Variants in IL20RB observed in about 807,000 individuals in gnomAD.
IL20RB encodes interleukin 20 receptor subunit beta, also known as interleukin-20 receptor subunit beta.
Under a neutral mutation model 33.3 loss-of-function variants are expected in IL20RB, and 21 were observed. The observed-to-expected ratio is 0.63, with a 90% confidence interval of 0.45 to 0.91. IL20RB has a LOEUF of 0.91. Ranked by LOEUF, IL20RB falls within the 40% of genes least tolerant of loss-of-function variation. IL20RB has a pLI of 0.00. For missense variants in IL20RB, 345 were observed against 384.8 expected, an observed-to-expected ratio of 0.90 and a Z score of 0.86; for synonymous variants, 147 against 146.8, an observed-to-expected ratio of 1.00 and a Z score of -0.01.
chr3:136,980,431 C>A (rs1221208298), intron 1 of IL20RB, 35 bp from the exon 2 acceptor site: 4 of 1,613,830 alleles, frequency 2.5e-6, no homozygotes, highest in Non-Finnish European at 3.4e-6. Flanking sequence ...CACTATGAGC[C>A]CACCTGTCAG....
At chr3:136,995,375 C>A in intron 5 of IL20RB, 39 bp from the exon 6 acceptor site, 1 of 1,609,128 alleles carries the variant, frequency 6.2e-7, no homozygotes, top group Non-Finnish European at 8.5e-7. Flanking sequence ...TTAATCTTTG[C>A]TGCTGTTTTC....
chr3:136,995,263 G>T, intron 5 of IL20RB, 151 bp from the exon 6 acceptor site: 1 of 829,108 alleles, frequency 1.2e-6, no homozygotes, highest in Non-Finnish European at 1.9e-6. Flanking sequence ...GGTAATTTTG[G>T]TCACTAGGGC....
intron 3 of IL20RB, among the ~76,000 whole-genome samples, chr3:136,987,388 A>T (rs1232117011): frequency 6.6e-6 from 1 of 152,158 alleles, no homozygotes; most frequent in East Asian, 1.9e-4. Flanking sequence ...ACCCTGAGCT[A>T]GTAGACACAG....
chr3:136,984,139 A>G (rs1445391447), intron 3 of IL20RB, among the ~76,000 whole-genome samples: 3 of 152,232 alleles, frequency 2.0e-5, no homozygotes, highest in Non-Finnish European at 4.4e-5. Context: ...GCACAGGGCC[A>G]TCACAAAGTT....
At chr3:136,997,035 T>G (rs1033561132) in intron 6 of IL20RB, among the ~76,000 whole-genome samples, 1 of 152,156 alleles carries the variant, frequency 6.6e-6, no homozygotes, top group Non-Finnish European at 1.5e-5. Context: ...GTATAGTTGT[T>G]TTAATATTGA....
Position 136,966,535 on chromosome 3 carries a change from T to A in IL20RB, c.88+8334T>A, listed in dbSNP as rs1306545443. Reference sequence around the variant, plus strand: ...GTAGTTTGTATTTCTGTGTTATCGGTGGTGATATCCCCTTTATCATTTTTT... The same window carrying A: ...GTAGTTTGTATTTCTGTGTTATCGGAGGTGATATCCCCTTTATCATTTTTT... On this transcript the variant is annotated intron_variant, in intron 1 of 6. Coordinates refer to ENST00000329582, the MANE Select transcript of IL20RB (RefSeq NM_144717.4). 2.2e-5 allele frequency among the ~76,000 whole-genome samples: 2 copies of A among 91,984 alleles called. 1 individual carries two copies. The highest frequency in any genetic ancestry group is 4.3e-5 in the Non-Finnish European group (2 of 46,924). The allele number at this position is 91,984 out of a possible 152,430, so 60.3% of individuals were successfully genotyped here.
chr3:136,995,523 C>G lies in IL20RB; in HGVS notation c.792C>G (p.Ser264=). Residue 264 remains serine, a synonymous_variant, in exon 6 of 7, where the codon TCC becomes TCG. Transcript: ENST00000329582. ...AAATGGGCCGGCTGCTCCAGTACTC[C>G]TGTTGCCCCGTGGTGGTCCTCCCAG... ...VWKMGRLLQY[S]CCPVVVLPDT... 6.2e-7 allele frequency: 1 copy of G among 1,614,154 alleles called. No homozygotes were observed. The highest frequency in any genetic ancestry group is 1.3e-5 in the African/African-American group (1 of 75,052).
chr3:136,978,974 A>T (rs939684501), intron 1 of IL20RB, among the ~76,000 whole-genome samples: 1 of 152,210 alleles, frequency 6.6e-6, no homozygotes, highest in Admixed American at 6.5e-5. Flanking sequence ...TGTTGACATA[A>T]TTTAATTATG....
chr3:136,958,489 TG>T (rs1275735975), intron 1 of IL20RB, among the ~76,000 whole-genome samples: 7 of 152,242 alleles, frequency 4.6e-5, no homozygotes, highest in African/African-American at 1.7e-4. Context: ...TCTCATCGTC[TG>T]GTTTTATATA....
chr3:136,972,340 C>T (rs1034763462), intron 1 of IL20RB, among the ~76,000 whole-genome samples: 3 of 152,144 alleles, frequency 2.0e-5, no homozygotes, highest in African/African-American at 7.2e-5. Context: ...TTAATGCAGT[C>T]CCATTTGTCT....
At chr3:136,981,278 A>AAATTAAATTAAATTAAATTG (rs1941767910) in intron 2 of IL20RB, among the ~76,000 whole-genome samples, 1 of 151,886 alleles carries the variant, frequency 6.6e-6, no homozygotes, top group Non-Finnish European at 1.5e-5. Flanking sequence ...AAATTAAATT[A>AAATTAAATTAAATTAAATTG]AATTAAATTA....
intron 3 of IL20RB, among the ~76,000 whole-genome samples, chr3:136,984,794 G>A (rs964848898): frequency 1.3e-5 from 2 of 152,244 alleles, no homozygotes; most frequent in Admixed American, 1.3e-4. Flanking sequence ...TTCATGGAAT[G>A]GAGAGGATGA....
chr3:136,966,333 T>C (rs1032573427), intron 1 of IL20RB, among the ~76,000 whole-genome samples: 1 of 80,150 alleles, frequency 1.2e-5, no homozygotes, highest in African/African-American at 5.5e-5. Context: ...TCCTGGACTC[T>C]TTTTGGTTGG....
At chr3:136,974,858 T>A (rs1198723402) in intron 1 of IL20RB, among the ~76,000 whole-genome samples, 1 of 152,230 alleles carries the variant, frequency 6.6e-6, no homozygotes, top group Non-Finnish European at 1.5e-5. Flanking sequence ...GTCTTCAAGT[T>A]CTGAGATTCT....
At chr3:136,959,646 T>A (rs566736026) in intron 1 of IL20RB, 3 of 152,216 alleles carry the variant, frequency 2.0e-5, no homozygotes, top group South Asian at 4.1e-4. Context: ...TTATAAGTAT[T>A]TTCTTGAAAA....
rs540855125 is a variant in IL20RB, at chr3:136,996,984, G to A, written c.825+1428G>A. 3.3e-5 allele frequency among the ~76,000 whole-genome samples: 5 copies of A among 152,032 alleles called. No individual in the cohort carries two copies. In the East Asian group the frequency reaches 7.7e-4, roughly 23 times the overall value. Reference sequence around the variant, plus strand: ...TTATATATATCAATTAGGTCAAAATGTTTCGTGGTATTGTTCAGATCATCT... The same window carrying A: ...TTATATATATCAATTAGGTCAAAATATTTCGTGGTATTGTTCAGATCATCT... On this transcript the variant is annotated intron_variant, in intron 6 of 6. Transcript: ENST00000329582.
chr3:136,970,560 G>A (rs998088850), intron 1 of IL20RB, among the ~76,000 whole-genome samples: 1 of 152,000 alleles, frequency 6.6e-6, no homozygotes, highest in African/African-American at 2.4e-5. Flanking sequence ...CCTGGAATTG[G>A]GTAGATTGAT....
intron 6 of IL20RB, among the ~76,000 whole-genome samples, chr3:137,006,000 A>G (rs1942342755): frequency 6.6e-6 from 1 of 152,162 alleles, no homozygotes; most frequent in African/African-American, 2.4e-5. Flanking sequence ...GCTGTAAAGA[A>G]TTTTATTTCT....
intron 1 of IL20RB, among the ~76,000 whole-genome samples, chr3:136,979,075 C>T (rs1357052827): frequency 2.0e-5 from 3 of 152,010 alleles, no homozygotes; most frequent in African/African-American, 7.3e-5. Context: ...TAAAACTTTA[C>T]CAGAGGAAGG....
Sources: gnomAD v4.1 joint callset for allele counts (sites outside exome capture counted in the v4.1 genomes callset) on GRCh38, gnomAD v4.1.1 for gene constraint, MANE v1.5 for transcripts, NCBI Gene and HGNC (gene_info 2026-07-23, HGNC 2026-07-21) for gene names.